CIB1: variants seen among roughly 807,000 people sequenced by gnomAD.
CIB1 encodes the protein calcium and integrin-binding protein 1.
Under a neutral mutation model 25.0 loss-of-function variants are expected in CIB1, and 19 were observed. The ratio of observed to expected loss-of-function variants is 0.76; its 90% confidence interval spans 0.53 to 1.12. CIB1 has a LOEUF of 1.12. CIB1 is among the 50% of genes most tolerant of loss of function. The pLI, the probability that CIB1 is intolerant of heterozygous loss-of-function variation, is 0.00. For synonymous variants in CIB1, 104 were observed against 98.5 expected (o/e 1.06, Z -0.33); for missense variants, 236 against 242.6 (o/e 0.97, Z 0.18).
the CIB1 span, chr15:90,256,009 G>C: frequency 5.8e-5 from 91 of 1,563,202 alleles, no homozygotes; most frequent in African/African-American, 1.1e-3. Context: ...AGTTTCAGCT[G>C]GTCAAAGAAA....
the CIB1 span, chr15:90,258,804 T>C: frequency 6.2e-7 from 1 of 1,614,082 alleles, no homozygotes; most frequent in African/African-American, 1.3e-5. Context: ...AAGGATGCAC[T>C]TCTCTGTGAT....
At chr15:90,244,070 C>T in the CIB1 span, 1 of 151,986 alleles carries the variant, frequency 6.6e-6, no homozygotes, top group Non-Finnish European at 1.5e-5. Context: ...CTTCTTAATA[C>T]CCCCATTCAA....
the CIB1 span, chr15:90,257,628 T>C: frequency 5.6e-6 from 9 of 1,613,860 alleles, no homozygotes; most frequent in Admixed American, 6.7e-5. Context: ...AGGGCCACTC[T>C]TTCCACAGGA....
the CIB1 span, among the ~76,000 whole-genome samples, chr15:90,256,597 C>CT: frequency 2.8e-5 from 1 of 35,256 alleles, no homozygotes; most frequent in African/African-American, 1.1e-4. Flanking sequence ...TTCTTTCTTT[C>CT]TTTCTTTCTT....
the CIB1 span, chr15:90,258,174 T>C: frequency 6.2e-7 from 1 of 1,614,236 alleles, no homozygotes; most frequent in African/African-American, 1.3e-5. Context: ...CCGAACCTGT[T>C]TTCCCCAGTA....
intron 3 of CIB1, among the ~76,000 whole-genome samples, chr15:90,231,738 G>A (rs943302957): frequency 3.3e-5 from 5 of 152,218 alleles, no homozygotes; most frequent in Non-Finnish European, 7.3e-5. Flanking sequence ...TTAACCCAAA[G>A]GCAGGTCACA....
chr15:90,262,034 G>T, the CIB1 span: 1 of 1,535,328 alleles, frequency 6.5e-7, no homozygotes, highest in Middle Eastern at 1.7e-4. Context: ...ATCCCATGTG[G>T]CAATGCTGGA....
the CIB1 span, chr15:90,241,785 C>T: frequency 1.8e-5 from 29 of 1,614,086 alleles, no homozygotes; most frequent in East Asian, 2.2e-5. Context: ...GTTTGTCACC[C>T]GGGGAGCTCC....
the CIB1 span, chr15:90,257,365 C>T: frequency 2.7e-6 from 4 of 1,508,632 alleles, no homozygotes; most frequent in South Asian, 5.3e-5. Flanking sequence ...AGGTTTGTCA[C>T]TGTCACCAAA....
chr15:90,262,151 C>T, the CIB1 span: 1 of 1,535,580 alleles, frequency 6.5e-7, no homozygotes, highest in Non-Finnish European at 8.7e-7. Flanking sequence ...CTCCCTCTTC[C>T]AAGAGACTGC....
chr15:90,236,130 C>G (rs1962632822), upstream of CIB1: 2 of 152,362 alleles, frequency 1.3e-5, no homozygotes, highest in African/African-American at 4.8e-5. Context: ...CCTCCGCCTC[C>G]TGAGTTCAAG....
chr15:90,241,973 T>C, the CIB1 span: 4 of 1,614,094 alleles, frequency 2.5e-6, no homozygotes, highest in Admixed American at 1.7e-5. Flanking sequence ...AGGCAGCTGC[T>C]GTGGCCCTCA....
At chr15:90,256,058 C>CTA in the CIB1 span, 3 of 1,565,652 alleles carry the variant, frequency 1.9e-6, no homozygotes, top group Non-Finnish European at 2.6e-6. Context: ...AGAGCATGGA[C>CTA]TAGATAGCAG....
At chr15:90,256,215 A>G in the CIB1 span, 4 of 1,614,056 alleles carry the variant, frequency 2.5e-6, no homozygotes, top group Non-Finnish European at 3.4e-6. Context: ...AGTGGCTGTC[A>G]GGGACGTGGC....
chr15:90,247,517 C>G, the CIB1 span, among the ~76,000 whole-genome samples: 1 of 151,130 alleles, frequency 6.6e-6, no homozygotes, highest in South Asian at 2.1e-4. Flanking sequence ...CTCCATCAGC[C>G]AGGAAGGACA....
the CIB1 span, chr15:90,263,903 G>A: frequency 5.3e-6 from 7 of 1,314,402 alleles, no homozygotes; most frequent in Non-Finnish European, 6.4e-6. Context: ...GCACTGCCAA[G>A]CATGAATGCT....
chr15:90,251,465 T>C, the CIB1 span: 1 of 1,309,762 alleles, frequency 7.6e-7, no homozygotes, highest in Non-Finnish European at 1.1e-6. Context: ...AGAAAAGGAA[T>C]TGTGTTGTGA....
chr15:90,264,752 A>T, the CIB1 span: 13 of 1,536,116 alleles, frequency 8.5e-6, no homozygotes, highest in East Asian at 3.2e-4. Flanking sequence ...AGAAGCCATA[A>T]ACCGAGTCCT....
At chr15:90,250,540 T>C in the CIB1 span, 1 of 1,473,716 alleles carries the variant, frequency 6.8e-7, no homozygotes, top group Non-Finnish European at 9.1e-7. Context: ...GTCGTTCTGG[T>C]GGATTCCTTC....
Sources: gnomAD v4.1 joint callset for allele counts (sites outside exome capture counted in the v4.1 genomes callset) on GRCh38, gnomAD v4.1.1 for gene constraint, MANE v1.5 for transcripts, NCBI Gene and HGNC (gene_info 2026-07-23, HGNC 2026-07-21) for gene names.